ATAD5: variants seen among roughly 807,000 people sequenced by gnomAD.
ATAD5 encodes ATPase family AAA domain containing 5.
In ATAD5, 58 loss-of-function variants were observed where a neutral mutation model predicts 176.9. That is an observed-to-expected ratio of 0.33 (90% CI 0.27 to 0.41). The LOEUF (loss-of-function observed/expected upper bound fraction) is 0.41, where lower values mean the gene tolerates loss of function less well. Among genes scored for constraint, ATAD5 ranks in the 10% least tolerant of loss-of-function variants. The probability of loss-of-function intolerance (pLI) is 1.00; values close to 1 mark genes in which losing one functional copy is unlikely to be tolerated. For missense variants in ATAD5, 1,789 were observed against 2,094.1 expected (o/e 0.85, Z 2.84); for synonymous variants, 640 against 712.6 (o/e 0.90, Z 1.62).
At chr17:30,884,145 A>T (rs1909176930) in intron 18 of ATAD5, among the ~76,000 whole-genome samples, 1 of 149,920 alleles carries the variant, frequency 6.7e-6, no homozygotes. Flanking sequence ...AATCATACTG[A>T]TTTGGCTTGT....
intron 3 of ATAD5, among the ~76,000 whole-genome samples, chr17:30,840,195 T>TAAAAAAAAAAAAAAAAAAAAAAA: frequency 9.4e-6 from 1 of 106,076 alleles, no homozygotes; most frequent in Non-Finnish European, 1.9e-5. Flanking sequence ...TAGACTCTGT[T>TAAAAAAAAAAAAAAAAAAAAAAA]AAAAAAAAAA....
intron 21 of ATAD5, 64 bp downstream of exon 21, chr17:30,894,214 G>GT: frequency 1.5e-6 from 2 of 1,311,596 alleles, no homozygotes; most frequent in South Asian, 1.6e-5. Flanking sequence ...AATCAATAGA[G>GT]TTTTTTCTTA....
chr17:30,847,514 TA>T (rs1438529965), intron 6 of ATAD5, among the ~76,000 whole-genome samples: 1 of 151,512 alleles, frequency 6.6e-6, no homozygotes, highest in Non-Finnish European at 1.5e-5. Context: ...GTATTTTTAG[TA>T]GAAACGGGGT....
Position 30,837,235 on chromosome 17 carries a change from A to G in ATAD5, c.1997A>G (p.Lys666Arg). Reference protein sequence around the residue: ...RMKFTRISTPKKSKKKSNKRS... With the variant: ...RMKFTRISTPRKSKKKSNKRS... Reference sequence around the variant, plus strand: ...AAATTCACCAGAATTAGTACTCCCAAAAAATCTAAGAAAAAATCTAACAAA... The same window carrying G: ...AAATTCACCAGAATTAGTACTCCCAGAAAATCTAAGAAAAAATCTAACAAA... The change falls in exon 3 of 23, where the codon AAA (lysine) becomes AGA (arginine). Residue 666 changes from lysine (K) to arginine (R), a missense_variant. Transcript: ENST00000321990. 1 of 1,571,430 alleles carries G rather than the reference A, an allele frequency of 6.4e-7. No individual in the cohort carries two copies. The highest frequency in any genetic ancestry group is 1.2e-5 in the South Asian group (1 of 82,658).
chr17:30,843,519 G>A (rs781556700), intron 4 of ATAD5, among the ~76,000 whole-genome samples: 12 of 151,908 alleles, frequency 7.9e-5, no homozygotes, highest in South Asian at 6.3e-4. Context: ...GCGTGGTGGC[G>A]CGCACCTCCA....
intron 6 of ATAD5, among the ~76,000 whole-genome samples, chr17:30,854,582 G>A (rs372165705): frequency 6.6e-6 from 1 of 151,278 alleles, no homozygotes; most frequent in South Asian, 2.1e-4. Flanking sequence ...ATGTTGGCCA[G>A]GCTGGTCTCA....
intron 19 of ATAD5, among the ~76,000 whole-genome samples, chr17:30,889,887 T>TTTTTTTTTTTTTTTTTTTTC (rs1909532537): frequency 2.0e-5 from 1 of 50,190 alleles, no homozygotes; most frequent in African/African-American, 1.1e-4. Context: ...CTTTTCTTTC[T>TTTTTTTTTTTTTTTTTTTTC]TTTTTTTTTT....
At chr17:30,848,558 C>G (rs1169119191) in intron 6 of ATAD5, among the ~76,000 whole-genome samples, 4 of 152,088 alleles carry the variant, frequency 2.6e-5, no homozygotes, top group African/African-American at 9.7e-5. Context: ...AAGGCAAGGT[C>G]AATTCTATCA....
chr17:30,893,602 G>C lies in ATAD5; in HGVS notation c.4749G>C (p.Leu1583Phe). ...ATAGTGATCTATTTGACACTGACTT[G>C]GACTTTCCTGATCAATCTATTAGCC... ...LDDSDLFDTD[L>F]DFPDQSISLS... is the part of the protein sequence containing the mutation. Residue 1583 changes from leucine to phenylalanine, a missense_variant, in exon 21 of 23, where the codon TTG (leucine) becomes TTC (phenylalanine). This residue lies in a region of ATAD5 where 403 missense variants were observed against 495.1 expected (regional missense o/e 0.81). Transcript: ENST00000321990. 2 of 1,613,842 alleles carry C rather than the reference G, an allele frequency of 1.2e-6. No individual in the cohort carries two copies. The highest frequency in any genetic ancestry group is 8.5e-7 in the Non-Finnish European group (1 of 1,179,922).
chr17:30,892,430 A>C (rs1054601763), intron 19 of ATAD5, among the ~76,000 whole-genome samples, 177 bp from the exon 20 acceptor site: 1 of 151,750 alleles, frequency 6.6e-6, no homozygotes, highest in Non-Finnish European at 1.5e-5. Context: ...GTCTTTAAAA[A>C]AAAAAAAAAA....
intron 19 of ATAD5, among the ~76,000 whole-genome samples, chr17:30,892,318 G>A (rs868101068): frequency 4.6e-5 from 7 of 151,624 alleles, no homozygotes; most frequent in Admixed American, 2.0e-4. Flanking sequence ...CCGGCTACTC[G>A]GGAGGCTGAG....
At chr17:30,887,740 G>A (rs897466729) in intron 19 of ATAD5, among the ~76,000 whole-genome samples, 2 of 152,098 alleles carry the variant, frequency 1.3e-5, no homozygotes, top group African/African-American at 2.4e-5. Flanking sequence ...CATGATCCCC[G>A]AAGAGTTTGA....
In ATAD5 at chr17:30,871,077, C is replaced by T. The variant is rs115847444; in HGVS notation, c.3607+1431C>T. On this transcript the variant is annotated intron_variant, in intron 14 of 22. Coordinates refer to ENST00000321990, the MANE Select transcript of ATAD5 (RefSeq NM_024857.5). ...GAAATTGTCTCCTGGCACACTGATGCTTTGTTCAATTTTTCAGTCTTTTTC... is the reference window on the plus strand; with the variant it reads ...GAAATTGTCTCCTGGCACACTGATGTTTTGTTCAATTTTTCAGTCTTTTTC... 5.1e-3 allele frequency among the ~76,000 whole-genome samples: 774 copies of T among 151,060 alleles called. 13 individuals carry two copies. Among genetic ancestry groups the T allele is most frequent in the African/African-American group, 0.018 (734 of 41,074 alleles).
Position 30,893,672 on chromosome 17 carries a change from G to A in ATAD5, c.4819G>A (p.Gly1607Arg), listed in dbSNP as rs752786786. The A allele has an allele frequency of 1.2e-5, 19 of 1,613,190 alleles. No homozygotes were observed. The highest frequency in any genetic ancestry group is 3.3e-5 in the Admixed American group (2 of 59,826). The change falls in exon 21 of 23, where the codon GGA becomes AGA. Residue 1607 changes from glycine (G) to arginine (R), a missense_variant. By Grantham distance (125) the Gly-to-Arg change is moderately radical. Around this residue, in one of 6 missense-constraint regions of ATAD5, gnomAD observed 403 missense variants for 495.1 expected, o/e 0.81. Coordinates refer to ENST00000321990, the MANE Select transcript of ATAD5 (RefSeq NM_024857.5). Reference sequence around the variant, plus strand: ...CTCAAATGCAGAAGAAAGCAAAACCGGAGACGAAGAAAGCAAAGCCAGAGA... The same window carrying A: ...CTCAAATGCAGAAGAAAGCAAAACCAGAGACGAAGAAAGCAAAGCCAGAGA... ...SSSNAEESKT[G>R]DEESKARDKG...
intron 9 of ATAD5, among the ~76,000 whole-genome samples, chr17:30,859,760 C>T (rs755675051): frequency 6.8e-6 from 1 of 146,976 alleles, no homozygotes; most frequent in Non-Finnish European, 1.5e-5. Flanking sequence ...GAGACGGCGT[C>T]TTGCTCTGCC....
At position 30,835,702 on chromosome 17, in the gene ATAD5, T is replaced by A; in HGVS notation, c.1621T>A (p.Tyr541Asn). 1.9e-6 allele frequency: 3 copies of A among 1,608,830 alleles called. No individual in the cohort carries two copies. Among genetic ancestry groups the A allele is most frequent in the Non-Finnish European group, 2.5e-6 (3 of 1,178,508 alleles). Residue 541 changes from tyrosine (Y) to asparagine (N), a missense_variant, in exon 2 of 23, where the codon TAT becomes AAT. By Grantham distance (143) the Tyr-to-Asn change is moderately radical (BLOSUM62 -2). Around this residue, in one of 6 missense-constraint regions of ATAD5, gnomAD observed 696 missense variants for 712.5 expected, o/e 0.98. Transcript: ENST00000321990. ...STLFNNESLV[Y>N]EDIANDDLLK... ...TTTATTTAACAATGAAAGTCTTGTT[T>A]ATGAAGATATAGCAAATGATGACCT...
rs950537511 is a variant in ATAD5 at position 30,840,721 on chromosome 17, C to T, written c.2181C>T (p.Pro727=). 5 of 1,609,864 alleles carry T rather than the reference C, an allele frequency of 3.1e-6. No homozygotes were observed. The African/African-American group carries it at 5.4e-5, about 17-fold the overall frequency. Residue 727 remains proline (P), a synonymous_variant, in exon 4 of 23, where the codon CCC becomes CCT. Transcript: ENST00000321990. ...AGGTGACTGAAGAAATAGCGATACCCTTAAGGCGCTCCTCTAGACATCAGA... is the reference window on the plus strand; with the variant it reads ...AGGTGACTGAAGAAATAGCGATACCTTTAAGGCGCTCCTCTAGACATCAGA... The part of the protein sequence containing the change: ...RSKVTEEIAI[P]LRRSSRHQTL...
At chr17:30,841,954 G>GA (rs72046933) in intron 4 of ATAD5, among the ~76,000 whole-genome samples, 19,743 of 151,852 alleles carry the variant, frequency 0.13, 1,412 homozygotes, top group South Asian at 0.24. Context: ...TATATAAAAA[G>GA]AAAAATAAAA....
Position 30,894,149 on chromosome 17 carries a change from G to A in ATAD5, c.5296G>A (p.Asp1766Asn), listed in dbSNP as rs768299587. 1 of 1,542,040 alleles carries A rather than the reference G, an allele frequency of 6.5e-7. No individual in the cohort carries two copies. Among genetic ancestry groups the A allele is most frequent in the South Asian group, 1.2e-5 (1 of 80,410 alleles). ...VYFSQSAANL[D>N]NAWKRISVIK... ...CTTTAGTCAGTCAGCAGCTAATTTA[G>A]AGTAAGTCTTACTTCCTTTACTTTT... is the stretch of plus-strand genomic sequence containing the variant. The change falls in exon 21 of 23, where the codon GAC (aspartate) becomes AAC (asparagine). Residue 1766 changes from aspartate to asparagine, a missense_variant and splice_region_variant. Transcript: ENST00000321990.
Sources: gnomAD v4.1 joint callset for allele counts (sites outside exome capture counted in the v4.1 genomes callset) on GRCh38, gnomAD v4.1.1 for gene constraint, gnomAD v4.1.1 regional missense constraint, MANE v1.5 for transcripts, NCBI Gene and HGNC (gene_info 2026-07-23, HGNC 2026-07-21) for gene names.